ST6GAL2: variants seen among roughly 807,000 people sequenced by gnomAD.
ST6GAL2 encodes the protein beta-galactoside alpha-2,6-sialyltransferase 2.
A neutral mutation model predicts 37.5 loss-of-function variants in ST6GAL2; 24 were observed. The observed-to-expected ratio is 0.64, with a 90% CI of 0.46 to 0.90. The LOEUF (loss-of-function observed/expected upper bound fraction) is 0.90, where lower values mean the gene tolerates loss of function less well. Among genes scored for constraint, ST6GAL2 ranks in the 40% least tolerant of loss-of-function variants. ST6GAL2 has a pLI of 0.00. For synonymous variants in ST6GAL2, 306 were observed against 295.1 expected, an observed-to-expected ratio of 1.04 and a Z score of -0.38; for missense variants, 715 against 712.7, an observed-to-expected ratio of 1.00 and a Z score of -0.04.
chr2:106,866,545 C>T lies in ST6GAL2; in HGVS notation c.-58+19548G>A, dbSNP rs1185686024. 3.9e-5 allele frequency among the ~76,000 whole-genome samples: 6 copies of T among 152,182 alleles called. No individual in the cohort carries two copies. In the East Asian group the frequency reaches 9.6e-4, roughly 24 times the overall value. ...GTGCAAGGTGAGTATGGTACCTCTA[C>T]GACAAGTGGAGGATCCCACAGCTCC... On this transcript the variant is annotated intron_variant, in intron 1 of 5. Transcript: ENST00000409382.
chr2:106,811,655 A>T (rs1675614702), intron 5 of ST6GAL2, among the ~76,000 whole-genome samples: 1 of 152,124 alleles, frequency 6.6e-6, no homozygotes, highest in African/African-American at 2.4e-5. Flanking sequence ...AATGTTTATG[A>T]ACTACCACCA....
chr2:106,843,171 C>A lies in ST6GAL2; in HGVS notation c.807G>T (p.Ala269=). ...GCCGCCAGCCCAGCGCAGAAAAGGGCGCCTCGGTGCCGTCCAGCGTCCGCA... is the reference window on the plus strand; with the variant it reads ...GCCGCCAGCCCAGCGCAGAAAAGGGAGCCTCGGTGCCGTCCAGCGTCCGCA... ...ARVRTLDGTE[A]PFSALGWRRL... The change falls in exon 2 of 6, where the codon GCG becomes GCT. Residue 269 remains alanine (A), a synonymous_variant. Coordinates refer to ENST00000409382, the MANE Select transcript of ST6GAL2 (RefSeq NM_001142351.2). The A allele has an allele frequency of 6.4e-7, 1 of 1,554,488 alleles. No individual in the cohort carries two copies.
chr2:106,832,046 C>A (rs1463871177), intron 4 of ST6GAL2, among the ~76,000 whole-genome samples: 1 of 152,168 alleles, frequency 6.6e-6, no homozygotes, highest in African/African-American at 2.4e-5. Context: ...TAGCAATAAA[C>A]TTGTTTCAGC....
intron 1 of ST6GAL2, among the ~76,000 whole-genome samples, chr2:106,844,404 A>G (rs1677065370): frequency 6.6e-6 from 1 of 152,114 alleles, no homozygotes; most frequent in Non-Finnish European, 1.5e-5. Context: ...TGAGATGATA[A>G]AATTCCAATT....
rs1235331966 is a variant in ST6GAL2, at chr2:106,843,306, C to T, written c.672G>A (p.Ala224=). The change falls in exon 2 of 6, where the codon GCG becomes GCA. Residue 224 remains alanine, a synonymous_variant. Transcript: ENST00000409382. ...SKMLNPRLQK[A]MKDYLTANKH... ...TGTTGGCGGTCAGGTAATCCTTCAT[C>T]GCCTTCTGCAGGCGCGGGTTCAGCA... 3 of 1,613,548 alleles carry T rather than the reference C, an allele frequency of 1.9e-6. No homozygotes were observed. The highest frequency in any genetic ancestry group is 1.1e-5 in the South Asian group (1 of 91,006).
intron 5 of ST6GAL2, among the ~76,000 whole-genome samples, chr2:106,813,983 A>C (rs907832232): frequency 2.0e-5 from 3 of 152,240 alleles, no homozygotes; most frequent in African/African-American, 7.2e-5. Context: ...TGACAGCTAC[A>C]CTTGAGATTC....
At chr2:106,854,418 CA>C (rs1385758704) in intron 1 of ST6GAL2, among the ~76,000 whole-genome samples, 2 of 152,168 alleles carry the variant, frequency 1.3e-5, no homozygotes, top group African/African-American at 4.8e-5. Context: ...CAATATTTTT[CA>C]GTCCAAGTTT....
rs763431064 is a variant in ST6GAL2, at chr2:106,843,452, T to C, written c.526A>G (p.Arg176Gly). Reference sequence around the variant, plus strand: ...TGGCTCCTTCTCTGCCTCCGGTGCCTCTTCTTCACCCGCCTCCTCTGGACC... The same window carrying C: ...TGGCTCCTTCTCTGCCTCCGGTGCCCCTTCTTCACCCGCCTCCTCTGGACC... ...AQVQRRRVKKRHRRQRRSHVL... is the reference protein window; with the variant it reads ...AQVQRRRVKKGHRRQRRSHVL... The change falls in exon 2 of 6, where the codon AGG (arginine) becomes GGG (glycine). Residue 176 changes from arginine (R) to glycine (G), a missense_variant. Transcript: ENST00000409382. 1 of 1,614,078 alleles carries C rather than the reference T, an allele frequency of 6.2e-7. No individual in the cohort carries two copies. The highest frequency in any genetic ancestry group is 8.5e-7 in the Non-Finnish European group (1 of 1,180,004).
chr2:106,835,518 T>G (rs1013919895), intron 2 of ST6GAL2, among the ~76,000 whole-genome samples: 3 of 152,220 alleles, frequency 2.0e-5, no homozygotes, highest in African/African-American at 7.2e-5. Context: ...TTGGAACATG[T>G]GAATGCATAA....
At chr2:106,838,203 T>A (rs148137137) in intron 2 of ST6GAL2, among the ~76,000 whole-genome samples, 102 of 152,278 alleles carry the variant, frequency 6.7e-4, no homozygotes, top group African/African-American at 2.4e-3. Context: ...GGAGAAGGCA[T>A]TTCCAGGCCA....
intron 1 of ST6GAL2, among the ~76,000 whole-genome samples, chr2:106,845,084 G>A (rs1677089887): frequency 6.6e-6 from 1 of 152,182 alleles, no homozygotes; most frequent in Non-Finnish European, 1.5e-5. Context: ...AGCACAGGCA[G>A]ATATTCAATA....
chr2:106,876,886 G>A (rs1262696345), intron 1 of ST6GAL2, among the ~76,000 whole-genome samples: 5 of 152,098 alleles, frequency 3.3e-5, no homozygotes, highest in African/African-American at 4.8e-5. Context: ...TCCTCCCTCC[G>A]CATGTGGACA....
intron 1 of ST6GAL2, among the ~76,000 whole-genome samples, chr2:106,863,375 T>C (rs1479909428): frequency 6.6e-6 from 1 of 152,220 alleles, no homozygotes; most frequent in African/African-American, 2.4e-5. Flanking sequence ...TTTGGAGTTC[T>C]GTAGCTAAAC....
chr2:106,839,063 A>C (rs1408191276), intron 2 of ST6GAL2, among the ~76,000 whole-genome samples: 3 of 152,120 alleles, frequency 2.0e-5, no homozygotes, highest in Non-Finnish European at 2.9e-5. Context: ...AACAAACAAA[A>C]AAAACAAGAG....
chr2:106,881,037 G>T (rs771064911), intron 1 of ST6GAL2, among the ~76,000 whole-genome samples: 1 of 152,064 alleles, frequency 6.6e-6, no homozygotes, highest in Non-Finnish European at 1.5e-5. Flanking sequence ...CCAGGCTGGA[G>T]TGCAACAGAG....
intron 1 of ST6GAL2, among the ~76,000 whole-genome samples, chr2:106,883,271 C>A (rs542054752): frequency 6.4e-4 from 97 of 152,232 alleles, no homozygotes; most frequent in African/African-American, 2.3e-3. Flanking sequence ...ATAATAAATC[C>A]GTGTTTCTCT....
At chr2:106,855,395 T>A (rs1431881782) in intron 1 of ST6GAL2, among the ~76,000 whole-genome samples, 1 of 152,220 alleles carries the variant, frequency 6.6e-6, no homozygotes, top group African/African-American at 2.4e-5. Context: ...CTTAGCTCCA[T>A]CTCTGTGGGT....
In ST6GAL2 at chr2:106,843,119, G is replaced by A. The variant is rs1376433010; in HGVS notation, c.859C>T (p.Gln287Ter). Reference sequence around the variant, plus strand: ...CTGCGCAGGCCGCGGGGGTGCAGCTGGCTCAGGGGCACGGCGGGCACCAGG... The same window carrying A: ...CTGCGCAGGCCGCGGGGGTGCAGCTAGCTCAGGGGCACGGCGGGCACCAGG... ...RRLVPAVPLS[Q>*]LHPRGLRSCA... The change falls in exon 2 of 6, where the codon CAG becomes TAG. Residue 287 changes from glutamine (Q) to a stop codon, truncating the protein, a stop_gained. Coordinates refer to ENST00000409382, the MANE Select transcript of ST6GAL2 (RefSeq NM_001142351.2). LOFTEE classifies it high-confidence loss of function. The A allele has an allele frequency of 6.4e-7, 1 of 1,568,076 alleles. No homozygotes were observed. Among genetic ancestry groups the A allele is most frequent in the East Asian group, 2.3e-5 (1 of 42,630 alleles).
At chr2:106,852,774 G>A (rs891146105) in intron 1 of ST6GAL2, among the ~76,000 whole-genome samples, 5 of 152,162 alleles carry the variant, frequency 3.3e-5, no homozygotes, top group Non-Finnish European at 1.5e-5. Flanking sequence ...GTAGGGTTAG[G>A]CCTGAGTCAT....
Sources: allele counts gnomAD v4.1 joint callset (sites outside exome capture counted in the v4.1 genomes callset), GRCh38; gene constraint gnomAD v4.1.1; transcripts MANE v1.5; gene names NCBI Gene and HGNC (gene_info 2026-07-23, HGNC 2026-07-21).